The following ANKS1A variants were observed in gnomAD, a reference collection of about 807,000 sequenced individuals.
ANKS1A encodes the protein ankyrin repeat and sterile alpha motif domain containing 1A.
Under a neutral mutation model 120.3 loss-of-function variants are expected in ANKS1A, and 55 were observed. That is an observed-to-expected ratio of 0.46 (90% CI 0.37 to 0.57). ANKS1A has a LOEUF of 0.57. ANKS1A is among the 20% of genes least tolerant of loss of function. The pLI is 0.00. For missense variants in ANKS1A, 1,123 were observed against 1,480.3 expected, an observed-to-expected ratio of 0.76 and a Z score of 3.96; for synonymous variants, 590 against 604.7, an observed-to-expected ratio of 0.98 and a Z score of 0.36.
At chr6:35,091,510 C>G, downstream of ANKS1A, 1 of 815,788 alleles carries the variant, frequency 1.2e-6, no homozygotes, top group Non-Finnish European at 1.5e-6. Flanking sequence ...GATTCGCATC[C>G]TACACCGTTT....
At chr6:34,994,479 G>C (rs1772745039) in intron 10 of ANKS1A, 57 bp downstream of exon 10, 1 of 1,587,906 alleles carries the variant, frequency 6.3e-7, no homozygotes, top group African/African-American at 1.3e-5. Context: ...TAAAGTTTGT[G>C]ATCCTGAGTG....
rs114607194 is a variant in ANKS1A at position 35,030,283 on chromosome 6, C to T, written c.2010+12224C>T. Among the ~76,000 whole-genome samples the T allele has an allele frequency of 7.7e-3, 1,180 of 152,290 alleles. 9 individuals carry two copies. Among genetic ancestry groups the T allele is most frequent in the African/African-American group, 0.02 (846 of 41,560 alleles). On this transcript the variant is annotated intron_variant, in intron 11 of 23. Transcript: ENST00000360359. ...TTTGTGTATGAAGGAAAGCAACTTA[C>T]GAAAGGAGTCTCCTGGGAGAAGCAT...
intron 10 of ANKS1A, among the ~76,000 whole-genome samples, chr6:34,999,236 AT>A (rs1773022720): frequency 6.6e-6 from 1 of 151,994 alleles, no homozygotes; most frequent in African/African-American, 2.4e-5. Flanking sequence ...GGTCTTGGGA[AT>A]TTGCCTCTAC....
At chr6:35,020,548 C>T (rs1417345694) in intron 11 of ANKS1A, among the ~76,000 whole-genome samples, 1 of 152,192 alleles carries the variant, frequency 6.6e-6, no homozygotes, top group Non-Finnish European at 1.5e-5. Context: ...AATGAATCAC[C>T]TCTTCTTTAT....
chr6:34,965,528 T>G (rs1770850573), intron 1 of ANKS1A, among the ~76,000 whole-genome samples: 1 of 152,014 alleles, frequency 6.6e-6, no homozygotes, highest in African/African-American at 2.4e-5. Context: ...ATTTTTGTAT[T>G]TTTAGTAGAG....
chr6:34,909,060 C>T (rs149144252), intron 1 of ANKS1A, among the ~76,000 whole-genome samples: 111 of 152,236 alleles, frequency 7.3e-4, no homozygotes, highest in Admixed American at 2.7e-3. Flanking sequence ...CCAGAAGTCT[C>T]CTTTGTGTCA....
In ANKS1A at chr6:35,091,290, C is replaced by G; in HGVS notation, c.*2681C>G. On this transcript the variant is annotated 3_prime_UTR_variant, in exon 24 of 24. Transcript: ENST00000360359. Reference sequence around the variant, plus strand: ...AATCTGTGCAACAACATAGACTGACCTCAGTACCCAAGAGAGTGTAAATAT... The same window carrying G: ...AATCTGTGCAACAACATAGACTGACGTCAGTACCCAAGAGAGTGTAAATAT... 2.0e-6 allele frequency: 2 copies of G among 985,820 alleles called. No individual in the cohort carries two copies. Among genetic ancestry groups the G allele is most frequent in the Non-Finnish European group, 2.4e-6 (2 of 829,944 alleles). 61.1% of individuals were successfully genotyped at this position (985,820 alleles called of 1,614,324 possible).
rs1003476671 is a variant in ANKS1A at position 35,038,331 on chromosome 6, C to A, written c.2011-15768C>A. ...GGGAAACTGGAACTTTGCATTCTTA[C>A]TGAGATAGTCCTCAATACAGTTTCG... On this transcript the variant is annotated intron_variant, in intron 11 of 23. Coordinates refer to ENST00000360359, the MANE Select transcript of ANKS1A (RefSeq NM_015245.3). 14 of 456,638 alleles carry A rather than the reference C, an allele frequency of 3.1e-5. No homozygotes were observed. The Admixed American group carries it at 3.3e-4, about 11-fold the overall frequency. 28.3% of individuals were successfully genotyped at this position (456,638 alleles called of 1,614,324 possible). A position where few individuals can be genotyped will look rare whatever the true frequency, so the allele number is the denominator to read the frequency against.
In ANKS1A at chr6:35,025,169, T is replaced by A. The variant is rs150748605; in HGVS notation, c.2010+7110T>A. ...TGTTCATATTTTTAAAATAATCTCATTTATTTTATAGGCAGCCCTAAATAA... is the reference window on the plus strand; with the variant it reads ...TGTTCATATTTTTAAAATAATCTCAATTATTTTATAGGCAGCCCTAAATAA... On this transcript the variant is annotated intron_variant, in intron 11 of 23. Transcript: ENST00000360359. Among the ~76,000 whole-genome samples the A allele has an allele frequency of 2.1e-3, 314 of 152,236 alleles. 2 individuals carry two copies. The highest frequency in any genetic ancestry group is 7.2e-3 in the African/African-American group (297 of 41,538).
chr6:34,911,500 G>A (rs2127457536), intron 1 of ANKS1A, among the ~76,000 whole-genome samples: 1 of 152,206 alleles, frequency 6.6e-6, no homozygotes, highest in East Asian at 1.9e-4. Context: ...AGCCACCCAG[G>A]CCTTCTTCAA....
chr6:35,041,822 A>G (rs1273298504), intron 11 of ANKS1A, among the ~76,000 whole-genome samples: 1 of 152,212 alleles, frequency 6.6e-6, no homozygotes, highest in Admixed American at 6.5e-5. Context: ...TTTTCCTGCC[A>G]GCCAGAGGGA....
intron 1 of ANKS1A, among the ~76,000 whole-genome samples, chr6:34,925,208 C>T (rs1188709108): frequency 3.9e-5 from 6 of 152,048 alleles, no homozygotes; most frequent in Admixed American, 1.3e-4. Context: ...TCTTTCCTGT[C>T]CTCTGTAAAT....
chr6:35,091,523 C>A (rs1347896868), downstream of ANKS1A: 1 of 710,704 alleles, frequency 1.4e-6, no homozygotes, highest in Non-Finnish European at 1.7e-6. Flanking sequence ...CACCGTTTGG[C>A]TGAGATGACG....
rs1411826315 is a variant in ANKS1A, at chr6:35,058,535, C to CA, written c.2078-1611dup. 6.6e-6 allele frequency: 1 copy of CA among 152,346 alleles called. No homozygotes were observed. Among genetic ancestry groups the CA allele is most frequent in the Non-Finnish European group, 1.5e-5 (1 of 68,136 alleles). The allele number at this position is 152,346 out of a possible 1,614,324, so 9.4% of individuals were successfully genotyped here. A position where few individuals can be genotyped will look rare whatever the true frequency, so the allele number is the denominator to read the frequency against. ...TGACCATCATCTGTTCTGCAGGAGA[C>CA]AGAGGAGAGGGAGTGGAGGCTGGCA... On this transcript the variant is annotated intron_variant, in intron 12 of 23. Transcript: ENST00000360359. This position sits in a 1 kb window ranked among gnomAD's most constrained non-coding sequence, Gnocchi z 5.1.
At chr6:35,065,071 T>C (rs1483157264) in intron 13 of ANKS1A, among the ~76,000 whole-genome samples, 4 of 151,978 alleles carry the variant, frequency 2.6e-5, no homozygotes, top group Non-Finnish European at 5.9e-5. Flanking sequence ...ATCCCAGGAG[T>C]TGATGCTGCA....
At chr6:34,964,412 A>G (rs1770796600) in intron 1 of ANKS1A, among the ~76,000 whole-genome samples, 1 of 152,200 alleles carries the variant, frequency 6.6e-6, no homozygotes, top group Non-Finnish European at 1.5e-5. Flanking sequence ...CCCAGAGGTG[A>G]GCACAATCAG....
chr6:34,937,657 A>G (rs1769325647), intron 1 of ANKS1A, among the ~76,000 whole-genome samples: 1 of 152,174 alleles, frequency 6.6e-6, no homozygotes, highest in Admixed American at 6.5e-5. Flanking sequence ...TCAATGGGGT[A>G]TAAAGGAGAG....
At chr6:34,983,488 G>A in intron 7 of ANKS1A, 63 bp downstream of exon 7, 2 of 1,310,574 alleles carry the variant, frequency 1.5e-6, no homozygotes, top group Non-Finnish European at 2.1e-6. Context: ...AAAATTCGTG[G>A]GCAGAATGGA....
rs1395804809 is a variant in ANKS1A at position 35,089,610 on chromosome 6, A to C, written c.*1001A>C. The C allele has an allele frequency of 1.0e-6, 1 of 986,646 alleles. No homozygotes were observed. Among genetic ancestry groups the C allele is most frequent in the African/African-American group, 1.7e-5 (1 of 57,240 alleles). 61.1% of individuals were successfully genotyped at this position (986,646 alleles called of 1,614,324 possible). A position where few individuals can be genotyped will look rare whatever the true frequency, so the allele number is the denominator to read the frequency against. On this transcript the variant is annotated 3_prime_UTR_variant, in exon 24 of 24. Coordinates refer to ENST00000360359, the MANE Select transcript of ANKS1A (RefSeq NM_015245.3). ...ACGGTTACACTTGGCTGCTGGGCCC[A>C]TCCCTGGCCCCCGGTGTGGAAAAGG...
Sources: allele counts gnomAD v4.1 joint callset (sites outside exome capture counted in the v4.1 genomes callset), GRCh38; gene constraint gnomAD v4.1.1; non-coding constraint Gnocchi (gnomAD v3.1); transcripts MANE v1.5; gene names NCBI Gene and HGNC (gene_info 2026-07-23, HGNC 2026-07-21).